Variants in ZNF284 observed in about 807,000 individuals in gnomAD.
ZNF284 encodes zinc finger protein 284.
Under a neutral mutation model 12.9 loss-of-function variants are expected in ZNF284, and 12 were observed. The ratio of observed to expected loss-of-function variants is 0.93; its 90% CI spans 0.60 to 1.51. The LOEUF is 1.51. Among genes scored for constraint, ZNF284 ranks in the 40% most tolerant of loss-of-function variants. ZNF284 has a pLI of 0.00. For missense variants in ZNF284, 667 were observed against 707.3 expected, an observed-to-expected ratio of 0.94 and a Z score of 0.65; for synonymous variants, 225 against 236.5, an observed-to-expected ratio of 0.95 and a Z score of 0.45.
rs1348433966 is a variant in ZNF284 at position 44,087,113 on chromosome 19, G to A, written c.1635G>A (p.Gly545=). The A allele has an allele frequency of 6.2e-6, 10 of 1,614,152 alleles. No homozygotes were observed. The highest frequency in any genetic ancestry group is 8.5e-6 in the Non-Finnish European group (10 of 1,180,018). Residue 545 remains glycine (G), a synonymous_variant, in exon 5 of 5, where the codon GGG becomes GGA. Coordinates refer to ENST00000421176, the MANE Select transcript of ZNF284 (RefSeq NM_001037813.4). The part of the protein sequence containing the change: ...REKLFQCEDC[G]KSSEHSSCLQ... Reference sequence around the variant, plus strand: ...AACTATTCCAATGTGAGGATTGTGGGAAGAGCAGTGAGCACAGTTCATGCC... The same window carrying A: ...AACTATTCCAATGTGAGGATTGTGGAAAGAGCAGTGAGCACAGTTCATGCC...
At chr19:44,076,818 C>CTTT (rs199632689) in intron 2 of ZNF284, among the ~76,000 whole-genome samples, 1 of 139,002 alleles carries the variant, frequency 7.2e-6, no homozygotes, top group Admixed American at 7.1e-5. Flanking sequence ...ATTGATGCTC[C>CTTT]TTTTTTTTTT....
intron 2 of ZNF284, among the ~76,000 whole-genome samples, chr19:44,076,646 C>T (rs760536896): frequency 6.6e-6 from 1 of 152,148 alleles, no homozygotes; most frequent in Non-Finnish European, 1.5e-5. Context: ...TCCCATTTCA[C>T]TACATCTTTT....
chr19:44,074,368 CA>C (rs34757324), intron 1 of ZNF284, among the ~76,000 whole-genome samples: 34,066 of 144,390 alleles, frequency 0.24, 3,903 homozygotes, highest in Admixed American at 0.28. Context: ...CTCCCGGTCT[CA>C]AAAAAAAAAA....
In ZNF284 at chr19:44,076,386, A is replaced by C. The variant is rs147965916; in HGVS notation, c.-4A>C. The stretch of plus-strand genomic sequence containing the variant: ...TCTGCAAATTCCCCAAAGAAGGAGG[A>C]AAAATGACCATGTTCAAGGTGAGTA... On this transcript the variant is annotated 5_prime_UTR_variant, in exon 2 of 5. Transcript: ENST00000421176. 5.5e-3 allele frequency: 8,878 copies of C among 1,609,290 alleles called. 166 individuals are homozygous for C. The highest frequency in any genetic ancestry group is 0.048 in the South Asian group (4,289 of 90,060).
rs992554033 is a variant in ZNF284, at chr19:44,083,163, G to A, written c.235+1058G>A. ...TCTATTTAAAATACCAGCCGGGCGT[G>A]GTGGCTCATGCCTGTAATCCCAGCA... On this transcript the variant is annotated intron_variant, in intron 4 of 4. Transcript: ENST00000421176. Among the ~76,000 whole-genome samples the A allele has an allele frequency of 2.6e-5, 4 of 152,110 alleles. No individual in the cohort carries two copies. The East Asian group carries it at 7.7e-4, about 29-fold the overall frequency.
rs998805050 is a variant in ZNF284, at chr19:44,076,394, C to T, written c.5C>T (p.Thr2Ile). M[T>I]MFKEAVTFKD... Reference sequence around the variant, plus strand: ...TTCCCCAAAGAAGGAGGAAAAATGACCATGTTCAAGGTGAGTAAGTCTGGT... The same window carrying T: ...TTCCCCAAAGAAGGAGGAAAAATGATCATGTTCAAGGTGAGTAAGTCTGGT... Residue 2 changes from threonine (T) to isoleucine (I), a missense_variant, in exon 2 of 5, where the codon ACC (threonine) becomes ATC (isoleucine). Thr to Ile is a moderately conservative substitution (Grantham distance 89, BLOSUM62 -1). Transcript: ENST00000421176. 6.2e-7 allele frequency: 1 copy of T among 1,609,482 alleles called. No homozygotes were observed. Among genetic ancestry groups the T allele is most frequent in the Admixed American group, 1.7e-5 (1 of 59,504 alleles).
At chr19:44,078,214 T>C (rs562109601) in intron 2 of ZNF284, among the ~76,000 whole-genome samples, 39 of 152,328 alleles carry the variant, frequency 2.6e-4, no homozygotes, top group Admixed American at 1.8e-3. Flanking sequence ...AATACATATT[T>C]GAAAAGGTGA....
Position 44,086,932 on chromosome 19 carries a change from G to A in ZNF284, c.1454G>A (p.Cys485Tyr). 1 of 1,614,232 alleles carries A rather than the reference G, an allele frequency of 6.2e-7. No homozygotes were observed. Among genetic ancestry groups the A allele is most frequent in the South Asian group, 1.1e-5 (1 of 91,084 alleles). ...RLHTGEKPFK[C>Y]EECGKRFTEN... ...CATACTGGAGAAAAACCATTCAAATGTGAAGAGTGTGGGAAGAGGTTTACT... is the reference window on the plus strand; with the variant it reads ...CATACTGGAGAAAAACCATTCAAATATGAAGAGTGTGGGAAGAGGTTTACT... Residue 485 changes from cysteine to tyrosine, a missense_variant, in exon 5 of 5, where the codon TGT (cysteine) becomes TAT (tyrosine). Cys to Tyr is a radical substitution (Grantham distance 194). Transcript: ENST00000421176.
In ZNF284 at chr19:44,087,040, G is replaced by C. The variant is rs1568524886; in HGVS notation, c.1562G>C (p.Arg521Thr). ...TGTGAGGAGTGTGGAAAGGGATTCA[G>C]ATGGGCCTCAACTCATCTAACCCAT... The part of the protein sequence containing the change: ...YKCEECGKGF[R>T]WASTHLTHQR... Residue 521 changes from arginine (R) to threonine (T), a missense_variant, in exon 5 of 5, where the codon AGA (arginine) becomes ACA (threonine). By Grantham distance (71) the Arg-to-Thr change is moderately conservative (BLOSUM62 -1). Coordinates refer to ENST00000421176, the MANE Select transcript of ZNF284 (RefSeq NM_001037813.4). 1.2e-6 allele frequency: 2 copies of C among 1,614,144 alleles called. No homozygotes were observed. The highest frequency in any genetic ancestry group is 1.7e-6 in the Non-Finnish European group (2 of 1,180,006).
At position 44,086,400 on chromosome 19, in the gene ZNF284, G is replaced by C. The variant is rs775225408; in HGVS notation, c.922G>C (p.Val308Leu). The C allele has an allele frequency of 1.9e-6, 3 of 1,613,850 alleles. No homozygotes were observed. The highest frequency in any genetic ancestry group is 4.5e-5 in the East Asian group (2 of 44,878). ...SRSNLNRHSMVHMQEKSFRCD... is the reference protein window; with the variant it reads ...SRSNLNRHSMLHMQEKSFRCD... The stretch of plus-strand genomic sequence containing the variant: ...ATCAAATCTTAATAGGCATTCCATG[G>C]TCCACATGCAAGAGAAATCATTTAG... The change falls in exon 5 of 5, where the codon GTC becomes CTC. Residue 308 changes from valine to leucine, a missense_variant. Val to Leu is a conservative substitution (Grantham distance 32). Transcript: ENST00000421176.
intron 2 of ZNF284, among the ~76,000 whole-genome samples, chr19:44,079,295 G>A (rs192082788): frequency 2.4e-4 from 37 of 152,276 alleles, no homozygotes; most frequent in South Asian, 1.5e-3. Flanking sequence ...AAAGAAATAC[G>A]AATAAAGGAC....
chr19:44,075,681 T>C (rs564979369), intron 1 of ZNF284, among the ~76,000 whole-genome samples: 87 of 152,352 alleles, frequency 5.7e-4, no homozygotes, highest in African/African-American at 2.0e-3. Flanking sequence ...CATTCAACTA[T>C]AAATATTCTA....
At chr19:44,085,682 T>G (rs1967220850) in intron 4 of ZNF284, 32 bp from the exon 5 acceptor site, 2 of 1,551,044 alleles carry the variant, frequency 1.3e-6, no homozygotes, top group Non-Finnish European at 8.8e-7. Context: ...AGGTTTCACT[T>G]ACCCACATCT....
chr19:44,084,970 T>C (rs369092575), intron 4 of ZNF284, among the ~76,000 whole-genome samples: 78 of 152,126 alleles, frequency 5.1e-4, no homozygotes, highest in African/African-American at 1.9e-3. Flanking sequence ...AGGGCCTCTC[T>C]CATGGCTGAT....
At position 44,085,714 on chromosome 19, in the gene ZNF284, G is replaced by A. The variant is rs1215390023; in HGVS notation, c.236G>A (p.Gly79Glu). Residue 79 changes from glycine (G) to glutamate (E), a missense_variant and splice_region_variant, in exon 5 of 5, where the codon GGA (glycine) becomes GAA (glutamate). Coordinates refer to ENST00000421176, the MANE Select transcript of ZNF284 (RefSeq NM_001037813.4). ...ATCTCTTAATTCTGTGTCCTTATAG[G>A]AGGCAAGATCCAAACTGAGTTGGAG... ...ETATQREGNS[G>E]GKIQTELESV... 3.7e-6 allele frequency: 6 copies of A among 1,607,472 alleles called. No individual in the cohort carries two copies. Among genetic ancestry groups the A allele is most frequent in the Non-Finnish European group, 5.1e-6 (6 of 1,176,706 alleles).
At position 44,087,464 on chromosome 19, in the gene ZNF284, G is replaced by A; in HGVS notation, c.*204G>A. On this transcript the variant is annotated 3_prime_UTR_variant, in exon 5 of 5. Transcript: ENST00000421176. Reference sequence around the variant, plus strand: ...ATTATTAATTATAGTCACCTTTAGTGCTGTGGAACACTAGAACTTGTTCCT... The same window carrying A: ...ATTATTAATTATAGTCACCTTTAGTACTGTGGAACACTAGAACTTGTTCCT... 2.5e-6 allele frequency: 1 copy of A among 402,100 alleles called. No individual in the cohort carries two copies. Among genetic ancestry groups the A allele is most frequent in the Non-Finnish European group, 4.3e-6 (1 of 229,964 alleles). 24.9% of individuals were successfully genotyped at this position (402,100 alleles called of 1,614,324 possible). A position where few individuals can be genotyped will look rare whatever the true frequency, so the allele number is the denominator to read the frequency against.
chr19:44,087,775 T>C lies in ZNF284; in HGVS notation c.*515T>C, dbSNP rs1160880147. 2 of 149,600 alleles carry C rather than the reference T, an allele frequency of 1.3e-5. No homozygotes were observed. Among genetic ancestry groups the C allele is most frequent in the African/African-American group, 4.9e-5 (2 of 40,730 alleles). 9.3% of individuals were successfully genotyped at this position (149,600 alleles called of 1,614,324 possible). A position where few individuals can be genotyped will look rare whatever the true frequency, so the allele number is the denominator to read the frequency against. On this transcript the variant is annotated 3_prime_UTR_variant, in exon 5 of 5. Coordinates refer to ENST00000421176, the MANE Select transcript of ZNF284 (RefSeq NM_001037813.4). ...CCCAGCTAATTTTTGTACTTTTTTT[T>C]TTTTTTTTTTGAGACAGAGTATCGC...
chr19:44,083,730 T>C (rs1475916120), intron 4 of ZNF284, among the ~76,000 whole-genome samples: 1 of 151,992 alleles, frequency 6.6e-6, no homozygotes, highest in African/African-American at 2.4e-5. Context: ...GTCACCCAGG[T>C]ACTGAGCATA....
rs780621515 is a variant in ZNF284 at position 44,087,076 on chromosome 19, A to G, written c.1598A>G (p.His533Arg). ...ASTHLTHQRL[H>R]SREKLFQCED... ...ACTCATCTAACCCATCAAAGACTCC[A>G]CAGCAGAGAAAAACTATTCCAATGT... Residue 533 changes from histidine (H) to arginine (R), a missense_variant, in exon 5 of 5, where the codon CAC becomes CGC. By Grantham distance (29) the His-to-Arg change is conservative. Coordinates refer to ENST00000421176, the MANE Select transcript of ZNF284 (RefSeq NM_001037813.4). 1 of 1,614,176 alleles carries G rather than the reference A, an allele frequency of 6.2e-7. No individual in the cohort carries two copies. The highest frequency in any genetic ancestry group is 8.5e-7 in the Non-Finnish European group (1 of 1,180,024).
Sources: gnomAD v4.1 joint callset for allele counts (sites outside exome capture counted in the v4.1 genomes callset) on GRCh38, gnomAD v4.1.1 for gene constraint, MANE v1.5 for transcripts, NCBI Gene and HGNC (gene_info 2026-07-23, HGNC 2026-07-21) for gene names.